Variants in KLHL26 observed in about 807,000 individuals in gnomAD.
The protein encoded by KLHL26 is kelch like family member 26.
In KLHL26, 4 loss-of-function variants were observed where a neutral mutation model predicts 7.1. The ratio of observed to expected loss-of-function variants is 0.56; its 90% confidence interval spans 0.28 to 1.28. The LOEUF (loss-of-function observed/expected upper bound fraction) is 1.28, where lower values mean the gene tolerates loss of function less well. Among genes scored for constraint, KLHL26 ranks in the 50% most tolerant of loss-of-function variants. KLHL26 has a pLI of 0.11. For synonymous variants in KLHL26, 465 were observed against 414.1 expected (o/e 1.12, Z -1.49); for missense variants, 896 against 924.6 (o/e 0.97, Z 0.40).
chr19:18,644,921 C>G (rs1976774815), intron 1 of KLHL26, among the ~76,000 whole-genome samples: 1 of 152,154 alleles, frequency 6.6e-6, no homozygotes, highest in Non-Finnish European at 1.5e-5. Context: ...ACTGCGCTCC[C>G]CCACCCCCGA....
intron 1 of KLHL26, among the ~76,000 whole-genome samples, chr19:18,641,047 C>A (rs1038365061): frequency 2.6e-5 from 4 of 152,196 alleles, no homozygotes; most frequent in Non-Finnish European, 4.4e-5. Flanking sequence ...GAGATGAGGT[C>A]TCACTCTGTC....
intron 1 of KLHL26, among the ~76,000 whole-genome samples, chr19:18,641,570 C>T (rs1369842088): frequency 2.0e-5 from 3 of 150,650 alleles, no homozygotes; most frequent in African/African-American, 7.3e-5. Flanking sequence ...CTGCCTGCCT[C>T]AGGCTCCCAA....
chr19:18,657,472 G>A (rs1255417476), intron 1 of KLHL26, among the ~76,000 whole-genome samples: 2 of 151,376 alleles, frequency 1.3e-5, no homozygotes, highest in African/African-American at 4.9e-5. Context: ...CTCCATATCT[G>A]GGTCTCTGTC....
intron 2 of KLHL26, among the ~76,000 whole-genome samples, chr19:18,665,322 C>T (rs1568462753): frequency 7.2e-5 from 11 of 152,222 alleles, no homozygotes; most frequent in Non-Finnish European, 1.5e-5. Flanking sequence ...TCCCAAAGTG[C>T]TGGGATTACA....
In KLHL26 at chr19:18,668,723, C is replaced by T. The variant is rs778305650; in HGVS notation, c.1326C>T (p.Tyr442=). 1.3e-5 allele frequency: 21 copies of T among 1,578,634 alleles called. No homozygotes were observed. In the South Asian group the frequency reaches 1.7e-4, roughly 13 times the overall value. ...GCCCCCGGCGCAATGAGTGGGGCTA[C>T]GCCTGCTCGCTGAAGCGCCGTACCT... The part of the protein sequence containing the change: ...RYCPRRNEWG[Y]ACSLKRRTWG... Residue 442 remains tyrosine, a synonymous_variant, in exon 3 of 3, where the codon TAC becomes TAT. Transcript: ENST00000300976.
chr19:18,650,104 A>AG lies in KLHL26; in HGVS notation c.83+12973dup, dbSNP rs1320887966. On this transcript the variant is annotated intron_variant, in intron 1 of 2. Transcript: ENST00000300976. This position sits in a 1 kb window ranked among gnomAD's most constrained non-coding sequence, Gnocchi z 4.2. ...GACCTTCAGGCTTGTAAAGGCCTGG[A>AG]GGGGGGTCACCCGAGGATCGAGGCC... Among the ~76,000 whole-genome samples the AG allele has an allele frequency of 1.3e-5, 2 of 152,180 alleles. No individual in the cohort carries two copies. The highest frequency in any genetic ancestry group is 2.9e-5 in the Non-Finnish European group (2 of 68,026).
intron 1 of KLHL26, among the ~76,000 whole-genome samples, chr19:18,662,836 CG>C (rs1215384399): frequency 1.3e-5 from 2 of 151,588 alleles, no homozygotes; most frequent in Non-Finnish European, 2.9e-5. Context: ...CAAGTGGGAT[CG>C]GGGCCGATGT....
At position 18,668,551 on chromosome 19, in the gene KLHL26, G is replaced by C; in HGVS notation, c.1154G>C (p.Arg385Pro). ...GAGGGCGCAGTGGACGCCTGCTACC[G>C]CTACGACCCCCACCTGAATCGCTGG... Reference protein sequence around the residue: ...SGEGAVDACYRYDPHLNRWLR... With the variant: ...SGEGAVDACYPYDPHLNRWLR... Residue 385 changes from arginine (R) to proline (P), a missense_variant, in exon 3 of 3, where the codon CGC becomes CCC. Coordinates refer to ENST00000300976, the MANE Select transcript of KLHL26 (RefSeq NM_018316.3). 1 of 1,594,066 alleles carries C rather than the reference G, an allele frequency of 6.3e-7. No individual in the cohort carries two copies. Among genetic ancestry groups the C allele is most frequent in the Non-Finnish European group, 8.5e-7 (1 of 1,174,150 alleles).
chr19:18,665,342 C>T (rs1194817198), intron 2 of KLHL26, among the ~76,000 whole-genome samples: 1 of 152,260 alleles, frequency 6.6e-6, no homozygotes, highest in African/African-American at 2.4e-5. Context: ...AGGCGTGAGC[C>T]ACTGCGCCCA....
At chr19:18,647,888 C>T (rs1456308045) in intron 1 of KLHL26, among the ~76,000 whole-genome samples, 1 of 152,200 alleles carries the variant, frequency 6.6e-6, no homozygotes, top group Non-Finnish European at 1.5e-5. Flanking sequence ...GCCACAGTCT[C>T]CTGTGTCCAC....
chr19:18,667,390 C>G (rs2052459402), intron 2 of KLHL26: 2 of 535,320 alleles, frequency 3.7e-6, no homozygotes, highest in South Asian at 2.1e-5. Context: ...GAGTCTCACT[C>G]TGTCACCCAG....
At chr19:18,655,483 T>C (rs932310268) in intron 1 of KLHL26, among the ~76,000 whole-genome samples, 2 of 152,248 alleles carry the variant, frequency 1.3e-5, no homozygotes, top group Non-Finnish European at 2.9e-5. Flanking sequence ...TGTATAACTT[T>C]GGGCCAGTGG....
chr19:18,652,731 C>T (rs978176935), intron 1 of KLHL26, among the ~76,000 whole-genome samples: 2 of 152,198 alleles, frequency 1.3e-5, no homozygotes, highest in African/African-American at 4.8e-5. Flanking sequence ...CAGCACCCCT[C>T]CCATCCTGGC....
chr19:18,663,538 G>T (rs1338893413), intron 1 of KLHL26, among the ~76,000 whole-genome samples: 2 of 152,154 alleles, frequency 1.3e-5, no homozygotes, highest in Admixed American at 1.3e-4. Context: ...GCAGGCGTGG[G>T]TCCCAGGAAT....
chr19:18,646,488 A>T lies in KLHL26; in HGVS notation c.83+9351A>T, dbSNP rs895654798. Among the ~76,000 whole-genome samples the T allele has an allele frequency of 2.6e-5, 4 of 152,186 alleles. No individual in the cohort carries two copies. Among genetic ancestry groups the T allele is most frequent in the Middle Eastern group, 3.2e-3 (1 of 316 alleles). ...GTGGACTCAAGTCCTTCTCCTGGAA[A>T]ATGTGGTCAGATATGGCGGCATGAG... On this transcript the variant is annotated intron_variant, in intron 1 of 2. Coordinates refer to ENST00000300976, the MANE Select transcript of KLHL26 (RefSeq NM_018316.3). The surrounding 1 kb of genome is among the most constrained non-coding windows in gnomAD (Gnocchi z 5.0).
intron 1 of KLHL26, among the ~76,000 whole-genome samples, chr19:18,659,169 A>G (rs1047851235): frequency 1.3e-5 from 2 of 151,658 alleles, no homozygotes; most frequent in Non-Finnish European, 2.9e-5. Context: ...GTCCCCTCCA[A>G]GTCTCTGTCA....
chr19:18,666,386 G>A (rs1195664357), intron 2 of KLHL26, among the ~76,000 whole-genome samples: 1 of 152,234 alleles, frequency 6.6e-6, no homozygotes, highest in African/African-American at 2.4e-5. Flanking sequence ...CATCAGGGGA[G>A]GTGCACTGGC....
At chr19:18,647,987 T>C (rs1976835515) in intron 1 of KLHL26, among the ~76,000 whole-genome samples, 1 of 152,176 alleles carries the variant, frequency 6.6e-6, no homozygotes, top group Admixed American at 6.5e-5. Flanking sequence ...TTAGAGAACG[T>C]CGTGCGGTCA....
rs759700839 is a variant in KLHL26 at position 18,668,761 on chromosome 19, G to A, written c.1364G>A (p.Gly455Glu). ...SLKRRTWGHAGAASGGRLYIS... is the reference protein window; with the variant it reads ...SLKRRTWGHAEAASGGRLYIS... ...AAGCGCCGTACCTGGGGCCATGCTG[G>A]GGCCGCCTCAGGGGGCCGCCTCTAC... The change falls in exon 3 of 3, where the codon GGG becomes GAG. Residue 455 changes from glycine (G) to glutamate (E), a missense_variant. By Grantham distance (98) the Gly-to-Glu change is moderately conservative. Transcript: ENST00000300976. The A allele has an allele frequency of 1.3e-6, 2 of 1,591,620 alleles. No homozygotes were observed. Among genetic ancestry groups the A allele is most frequent in the Non-Finnish European group, 8.5e-7 (1 of 1,175,648 alleles).
Sources: allele counts gnomAD v4.1 joint callset (sites outside exome capture counted in the v4.1 genomes callset), GRCh38; gene constraint gnomAD v4.1.1; non-coding constraint Gnocchi (gnomAD v3.1); transcripts MANE v1.5; gene names NCBI Gene and HGNC (gene_info 2026-07-23, HGNC 2026-07-21).